TYW1: variants seen among roughly 807,000 people sequenced by gnomAD.
TYW1 encodes S-adenosyl-L-methionine-dependent tRNA 4-demethylwyosine synthase TYW1.
A neutral mutation model predicts 96.2 loss-of-function variants in TYW1; 46 were observed. The observed-to-expected ratio is 0.48, with a 90% confidence interval of 0.38 to 0.61. The LOEUF (loss-of-function observed/expected upper bound fraction) is 0.61. TYW1 is among the 20% of genes least tolerant of loss of function. The pLI, the probability that TYW1 is intolerant of heterozygous loss-of-function variation, is 0.00. For synonymous variants in TYW1, 274 were observed against 323.0 expected (o/e 0.85, Z 1.63); for missense variants, 684 against 909.6 (o/e 0.75, Z 3.19).
chr7:67,158,441 G>A (rs950885601), intron 13 of TYW1, among the ~76,000 whole-genome samples: 4 of 152,044 alleles, frequency 2.6e-5, no homozygotes, highest in African/African-American at 4.8e-5. Flanking sequence ...GCTTTTCATC[G>A]TCAATTGATA....
chr7:67,152,192 G>A (rs1216446262), intron 13 of TYW1, among the ~76,000 whole-genome samples: 1 of 151,994 alleles, frequency 6.6e-6, no homozygotes, highest in African/African-American at 2.4e-5. Context: ...GAGACCATTT[G>A]GTTCTCAAAG....
At chr7:67,142,363 C>T (rs953206712) in intron 13 of TYW1, among the ~76,000 whole-genome samples, 2 of 152,076 alleles carry the variant, frequency 1.3e-5, no homozygotes, top group African/African-American at 4.8e-5. Flanking sequence ...CTTGGCCTCC[C>T]GAGGCACTGG....
At chr7:67,050,635 G>A (rs1344432480) in intron 8 of TYW1, among the ~76,000 whole-genome samples, 1 of 151,974 alleles carries the variant, frequency 6.6e-6, no homozygotes, top group Non-Finnish European at 1.5e-5. Context: ...CGTCGGTCTG[G>A]TGCACTAGAG....
At chr7:67,162,917 A>G (rs577577530) in intron 13 of TYW1, among the ~76,000 whole-genome samples, 328 of 152,302 alleles carry the variant, frequency 2.2e-3, no homozygotes, top group Non-Finnish European at 3.2e-3. Flanking sequence ...CCAGATGGAA[A>G]GTATATAGAG....
At chr7:67,025,076 A>G in intron 7 of TYW1, 54 bp downstream of exon 7, 2 of 1,607,756 alleles carry the variant, frequency 1.2e-6, no homozygotes. Flanking sequence ...GTTAACATTT[A>G]GTATTTCTTT....
chr7:67,123,115 GAC>G (rs912740874), intron 13 of TYW1, among the ~76,000 whole-genome samples: 2 of 152,010 alleles, frequency 1.3e-5, no homozygotes, highest in African/African-American at 4.8e-5. Flanking sequence ...CCTTCTTATT[GAC>G]CTATTTTGTT....
At position 67,049,530 on chromosome 7, in the gene TYW1, T is replaced by A. The variant is rs527881664; in HGVS notation, c.985-419T>A. On this transcript the variant is annotated intron_variant, in intron 7 of 15. Transcript: ENST00000359626. ...GGTTCATAACAGCCCTTTTTAAAAA[T>A]TTTTTTTTAAATTATTTATAATTAT... is the stretch of plus-strand genomic sequence containing the variant. Among the ~76,000 whole-genome samples, 142 of 151,990 alleles carry A rather than the reference T, an allele frequency of 9.3e-4. 2 individuals carry two copies. Among genetic ancestry groups the A allele is most frequent in the African/African-American group, 3.0e-3 (125 of 41,500 alleles).
chr7:67,025,763 A>C (rs552316408), intron 7 of TYW1, among the ~76,000 whole-genome samples: 145 of 152,262 alleles, frequency 9.5e-4, no homozygotes, highest in Non-Finnish European at 1.6e-3. Context: ...AATTGAAGTA[A>C]TATTGTGTAT....
At chr7:67,196,670 A>G (rs951731507) in intron 15 of TYW1, among the ~76,000 whole-genome samples, 19 of 151,368 alleles carry the variant, frequency 1.3e-4, no homozygotes, top group African/African-American at 4.6e-4. Context: ...TAGTCCATTG[A>G]TCTTTTTTAT....
intron 13 of TYW1, among the ~76,000 whole-genome samples, chr7:67,142,044 A>G (rs879570841): frequency 1.3e-5 from 2 of 152,202 alleles, no homozygotes; most frequent in Non-Finnish European, 2.9e-5. Context: ...TCAAAAAAAG[A>G]TAACACATGA....
At position 67,131,005 on chromosome 7, in the gene TYW1, T is replaced by A. The variant is rs148985186; in HGVS notation, c.1698+13387T>A. Among the ~76,000 whole-genome samples the A allele has an allele frequency of 1.6e-4, 25 of 152,288 alleles. 1 individual carries two copies. The highest frequency in any genetic ancestry group is 5.8e-4 in the African/African-American group (24 of 41,540). On this transcript the variant is annotated intron_variant, in intron 13 of 15. Coordinates refer to ENST00000359626, the MANE Select transcript of TYW1 (RefSeq NM_018264.4). Reference sequence around the variant, plus strand: ...TATTCAAAGCCCTTAACACGGTGACTGACACATGATTGCCACATAAGTATT... The same window carrying A: ...TATTCAAAGCCCTTAACACGGTGACAGACACATGATTGCCACATAAGTATT...
chr7:67,057,857 A>G (rs1350711554), intron 9 of TYW1, among the ~76,000 whole-genome samples: 1 of 152,198 alleles, frequency 6.6e-6, no homozygotes, highest in Non-Finnish European at 1.5e-5. Context: ...TTCTATTTCC[A>G]TAAAGGTATC....
At chr7:67,225,771 T>C (rs1365423073) in intron 15 of TYW1, among the ~76,000 whole-genome samples, 9 of 142,584 alleles carry the variant, frequency 6.3e-5, no homozygotes, top group Non-Finnish European at 1.4e-4. Flanking sequence ...GAAAATGAGT[T>C]TCCAGATAAA....
rs374672542 is a variant in TYW1, at chr7:67,009,149, A to G, written c.274-434A>G. 5.3e-5 allele frequency among the ~76,000 whole-genome samples: 8 copies of G among 152,146 alleles called. No individual in the cohort carries two copies. In the East Asian group the frequency reaches 1.2e-3, roughly 22 times the overall value. On this transcript the variant is annotated intron_variant, in intron 3 of 15. Transcript: ENST00000359626. Reference sequence around the variant, plus strand: ...CTCAGCCTCTTGAGTAGCTGGGACTATAGGTGTGTGCCATCACACCTGGCT... The same window carrying G: ...CTCAGCCTCTTGAGTAGCTGGGACTGTAGGTGTGTGCCATCACACCTGGCT...
At chr7:67,193,243 T>C (rs10233388) in intron 14 of TYW1, among the ~76,000 whole-genome samples, 44,004 of 152,054 alleles carry the variant, frequency 0.29, 7,059 homozygotes, top group African/African-American at 0.43. Context: ...TTTAATGAAT[T>C]CTCTAAATCA....
At chr7:67,220,806 C>T (rs1322768610) in intron 15 of TYW1, among the ~76,000 whole-genome samples, 10 of 150,916 alleles carry the variant, frequency 6.6e-5, no homozygotes, top group African/African-American at 2.4e-4. Context: ...GGCGCGATCT[C>T]GGCTTGCCAC....
intron 13 of TYW1, among the ~76,000 whole-genome samples, chr7:67,175,635 T>A (rs901570050): frequency 6.6e-6 from 1 of 152,210 alleles, no homozygotes; most frequent in African/African-American, 2.4e-5. Context: ...TTTTGTTTAA[T>A]GTGTAAAAAT....
intron 13 of TYW1, among the ~76,000 whole-genome samples, chr7:67,134,588 CT>C (rs1177613892): frequency 6.6e-6 from 1 of 151,522 alleles, no homozygotes; most frequent in Non-Finnish European, 1.5e-5. Flanking sequence ...CCAAACAACT[CT>C]GTGAACCTTA....
chr7:67,160,773 GTAGAGA>G, intron 13 of TYW1, among the ~76,000 whole-genome samples: 1 of 151,182 alleles, frequency 6.6e-6, no homozygotes, highest in Middle Eastern at 3.2e-3. Flanking sequence ...TGTACTTTTA[GTAGAGA>G]TAGGGTTTCA....
Sources: gnomAD v4.1 joint callset for allele counts (sites outside exome capture counted in the v4.1 genomes callset) on GRCh38, gnomAD v4.1.1 for gene constraint, MANE v1.5 for transcripts, NCBI Gene and HGNC (gene_info 2026-07-23, HGNC 2026-07-21) for gene names.